Variants in ARFGEF2 observed in about 807,000 individuals in gnomAD.
ARFGEF2 encodes the protein brefeldin A-inhibited guanine nucleotide-exchange protein 2.
Under a neutral mutation model 219.9 loss-of-function variants are expected in ARFGEF2, and 74 were observed. That is an observed-to-expected ratio of 0.34 (90% confidence interval 0.28 to 0.41). The LOEUF (loss-of-function observed/expected upper bound fraction) is 0.41, where lower values mean the gene tolerates loss of function less well. Among genes scored for constraint, ARFGEF2 ranks in the 10% least tolerant of loss-of-function variants. The pLI, the probability that ARFGEF2 is intolerant of heterozygous loss-of-function variation, is 1.00. For synonymous variants in ARFGEF2, 733 were observed against 799.2 expected (o/e 0.92, Z 1.40); for missense variants, 1,743 against 2,218.3 (o/e 0.79, Z 4.30).
chr20:49,017,427 C>T (rs1568740114), intron 32 of ARFGEF2, 40 bp downstream of exon 32: 1 of 1,613,758 alleles, frequency 6.2e-7, no homozygotes, highest in Admixed American at 1.7e-5. Context: ...TCTCTGTGTT[C>T]AGTGGATGTC....
At position 48,955,401 on chromosome 20, in the gene ARFGEF2, T is replaced by C. The variant is rs535353117; in HGVS notation, c.838+1611T>C. Among the ~76,000 whole-genome samples, 3 of 152,264 alleles carry C rather than the reference T, an allele frequency of 2.0e-5. No individual in the cohort carries two copies. The East Asian group carries it at 5.8e-4, about 29-fold the overall frequency. On this transcript the variant is annotated intron_variant, in intron 6 of 38. Coordinates refer to ENST00000371917, the MANE Select transcript of ARFGEF2 (RefSeq NM_006420.3). ...ATCTTTTATTTTTTTCCATAGTACT[T>C]ACAATACCTGAAATTACTGAAGGGT...
intron 21 of ARFGEF2, among the ~76,000 whole-genome samples, chr20:48,993,759 G>A (rs1169654905): frequency 6.6e-6 from 1 of 152,156 alleles, no homozygotes; most frequent in Non-Finnish European, 1.5e-5. Context: ...GCACCCCTCA[G>A]GACCAGGAGA....
In ARFGEF2 at chr20:49,035,467, T is replaced by C. The variant is rs2091661297; in HGVS notation, c.*2268T>C. On this transcript the variant is annotated 3_prime_UTR_variant, in exon 39 of 39. Coordinates refer to ENST00000371917, the MANE Select transcript of ARFGEF2 (RefSeq NM_006420.3). ...CATTCAGGGTGATTTTTCTTGTCAG[T>C]GGACAGTGACGAACAGAGATTTGAA... is the stretch of plus-strand genomic sequence containing the variant. The C allele has an allele frequency of 6.6e-6, 1 of 152,220 alleles. No homozygotes were observed. Among genetic ancestry groups the C allele is most frequent in the South Asian group, 2.1e-4 (1 of 4,830 alleles). 9.4% of individuals were successfully genotyped at this position (152,220 alleles called of 1,614,324 possible). A position where few individuals can be genotyped will look rare whatever the true frequency, so the allele number is the denominator to read the frequency against.
intron 1 of ARFGEF2, among the ~76,000 whole-genome samples, chr20:48,927,911 T>C (rs1361074645): frequency 6.6e-6 from 1 of 152,158 alleles, no homozygotes; most frequent in Non-Finnish European, 1.5e-5. Context: ...GGAGGTTATC[T>C]GTCTGGAAGC....
chr20:49,028,731 C>T, intron 37 of ARFGEF2, 63 bp downstream of exon 37: 1 of 1,548,776 alleles, frequency 6.5e-7, no homozygotes, highest in Non-Finnish European at 8.8e-7. Flanking sequence ...CACAGCAATA[C>T]TGTGGATTGA....
At chr20:49,016,043 G>GT (rs1207385607) in intron 30 of ARFGEF2, among the ~76,000 whole-genome samples, 1 of 151,914 alleles carries the variant, frequency 6.6e-6, no homozygotes, top group Non-Finnish European at 1.5e-5. Flanking sequence ...AAATCTATGC[G>GT]TTTTTTATTT....
intron 14 of ARFGEF2, among the ~76,000 whole-genome samples, chr20:48,977,256 C>T (rs2091267932): frequency 6.6e-6 from 1 of 151,676 alleles, no homozygotes; most frequent in Non-Finnish European, 1.5e-5. Flanking sequence ...TGATAGTTTG[C>T]TCAGAATGAT....
At position 48,933,356 on chromosome 20, in the gene ARFGEF2, T is replaced by A. The variant is rs1426653143; in HGVS notation, c.122-7843T>A. ...CTCTAACAGACTGCCTGGGCGTGGA[T>A]CCTGACTGCAGAGTAGCACTTCTGG... On this transcript the variant is annotated intron_variant, in intron 1 of 38. Transcript: ENST00000371917. Among the ~76,000 whole-genome samples the A allele has an allele frequency of 5.3e-5, 8 of 152,130 alleles. No individual in the cohort carries two copies. The East Asian group carries it at 1.2e-3, about 22-fold the overall frequency.
At chr20:49,011,445 T>A (rs1056183006) in intron 27 of ARFGEF2, among the ~76,000 whole-genome samples, 4 of 152,076 alleles carry the variant, frequency 2.6e-5, no homozygotes, top group Non-Finnish European at 4.4e-5. Context: ...CACAGAAAAA[T>A]AAATACAACA....
chr20:48,935,803 G>T (rs1258776737), intron 1 of ARFGEF2, among the ~76,000 whole-genome samples: 1 of 146,028 alleles, frequency 6.8e-6, no homozygotes, highest in African/African-American at 2.6e-5. Flanking sequence ...CGGACGGGGC[G>T]GCTGGCCGGG....
At chr20:49,019,759 A>G (rs1402006129) in intron 34 of ARFGEF2, among the ~76,000 whole-genome samples, 6 of 152,204 alleles carry the variant, frequency 3.9e-5, no homozygotes, top group African/African-American at 9.6e-5. Context: ...AGTTTTTCGT[A>G]TGTTAAAGCA....
chr20:48,947,332 G>A (rs1474178421), intron 3 of ARFGEF2, among the ~76,000 whole-genome samples: 1 of 152,064 alleles, frequency 6.6e-6, no homozygotes, highest in Admixed American at 6.5e-5. Flanking sequence ...CCCAGGAGAT[G>A]GAGGTTGCAG....
At chr20:49,001,098 G>A (rs2091422433) in intron 25 of ARFGEF2, among the ~76,000 whole-genome samples, 1 of 111,902 alleles carries the variant, frequency 8.9e-6, no homozygotes, top group African/African-American at 3.5e-5. Context: ...GTTTCGCACT[G>A]TTGCCAGGCT....
rs867603685 is a variant in ARFGEF2, at chr20:49,006,470, A to G, written c.3584+1249A>G. 1.8e-4 allele frequency among the ~76,000 whole-genome samples: 28 copies of G among 152,316 alleles called. 1 individual carries two copies. Among genetic ancestry groups the G allele is most frequent in the South Asian group, 1.0e-3 (5 of 4,832 alleles). On this transcript the variant is annotated intron_variant, in intron 26 of 38. Coordinates refer to ENST00000371917, the MANE Select transcript of ARFGEF2 (RefSeq NM_006420.3). Reference sequence around the variant, plus strand: ...ACAAATCTCTGTTTAATTCCAATAGAAAAACAAATAAATATCAGTGGTGGT... The same window carrying G: ...ACAAATCTCTGTTTAATTCCAATAGGAAAACAAATAAATATCAGTGGTGGT...
intron 8 of ARFGEF2, among the ~76,000 whole-genome samples, chr20:48,968,469 C>G (rs1275793052): frequency 6.6e-6 from 1 of 151,164 alleles, no homozygotes; most frequent in East Asian, 1.9e-4. Flanking sequence ...GTGCCGCGAT[C>G]TCGGCTCACT....
intron 1 of ARFGEF2, among the ~76,000 whole-genome samples, chr20:48,922,624 T>C (rs556529910): frequency 1.3e-5 from 2 of 152,364 alleles, no homozygotes; most frequent in African/African-American, 4.8e-5. Flanking sequence ...GTCTGACTTA[T>C]TCATTGCTGT....
intron 22 of ARFGEF2, 43 bp from the exon 23 acceptor site, chr20:48,995,740 G>C (rs1349672208): frequency 3.3e-6 from 5 of 1,533,614 alleles, no homozygotes; most frequent in Admixed American, 1.7e-5. Flanking sequence ...CTAAATACTT[G>C]ACTGTTTTTG....
chr20:49,033,333 C>A lies in ARFGEF2; in HGVS notation c.*134C>A, dbSNP rs886056759. 3.1e-6 allele frequency: 3 copies of A among 959,922 alleles called. No individual in the cohort carries two copies. 59.5% of individuals were successfully genotyped at this position (959,922 alleles called of 1,614,324 possible). On this transcript the variant is annotated 3_prime_UTR_variant, in exon 39 of 39. Coordinates refer to ENST00000371917, the MANE Select transcript of ARFGEF2 (RefSeq NM_006420.3). ...CTCAGAATGGCCTGGAAACGGATGG[C>A]CTCTACGCTGTTCCATCACAGTCTC...
intron 35 of ARFGEF2, among the ~76,000 whole-genome samples, chr20:49,023,507 T>C (rs976130581): frequency 2.6e-5 from 4 of 151,746 alleles, no homozygotes; most frequent in African/African-American, 4.8e-5. Context: ...ACAATTGATA[T>C]ACAGTTTTTT....
Sources: allele counts gnomAD v4.1 joint callset (sites outside exome capture counted in the v4.1 genomes callset), GRCh38; gene constraint gnomAD v4.1.1; transcripts MANE v1.5; gene names NCBI Gene and HGNC (gene_info 2026-07-23, HGNC 2026-07-21).